The following GRIK3 variants were observed in gnomAD, a reference collection of about 807,000 sequenced individuals.
The protein encoded by GRIK3 is glutamate receptor ionotropic, kainate 3.
Under a neutral mutation model 102.5 loss-of-function variants are expected in GRIK3, and 29 were observed. The ratio of observed to expected loss-of-function variants is 0.28; its 90% CI spans 0.21 to 0.39. The LOEUF (loss-of-function observed/expected upper bound fraction) is 0.39. Ranked by LOEUF, GRIK3 falls within the 10% of genes least tolerant of loss-of-function variation. GRIK3 has a pLI of 1.00. For missense variants in GRIK3, 908 were observed against 1,252.4 expected (o/e 0.73, Z 4.15); for synonymous variants, 511 against 504.9 (o/e 1.01, Z -0.16).
At chr1:36,858,184 T>C (rs1416260917) in intron 7 of GRIK3, among the ~76,000 whole-genome samples, 1 of 152,230 alleles carries the variant, frequency 6.6e-6, no homozygotes, top group Non-Finnish European at 1.5e-5. Context: ...TTTCTTTGTC[T>C]ATCATCTGCT....
At chr1:37,025,693 T>C (rs932486982) in intron 1 of GRIK3, among the ~76,000 whole-genome samples, 2 of 152,198 alleles carry the variant, frequency 1.3e-5, no homozygotes, top group Non-Finnish European at 2.9e-5. Context: ...ATCCCTGCAG[T>C]TGTTCTGAGA....
At chr1:37,018,620 C>T (rs1478877712) in intron 1 of GRIK3, among the ~76,000 whole-genome samples, 1 of 152,020 alleles carries the variant, frequency 6.6e-6, no homozygotes, top group Non-Finnish European at 1.5e-5. Context: ...CTGAAGAGCC[C>T]CTGACCCTCC....
In GRIK3 at chr1:36,852,108, G is replaced by A. The variant is rs1640592467; in HGVS notation, c.1212+1507C>T. ...GATGAGAACTCATAGAGTTTGTGTA[G>A]GGTTGAGCAAACTGGCCCCTGTGAT... On this transcript the variant is annotated intron_variant, in intron 8 of 15. Coordinates refer to ENST00000373091, the MANE Select transcript of GRIK3 (RefSeq NM_000831.4). Among the ~76,000 whole-genome samples, 3 of 152,334 alleles carry A rather than the reference G, an allele frequency of 2.0e-5. No homozygotes were observed. In the East Asian group the frequency reaches 5.8e-4, roughly 29 times the overall value.
intron 5 of GRIK3, among the ~76,000 whole-genome samples, chr1:36,864,451 T>C (rs1333324884): frequency 6.6e-6 from 1 of 152,226 alleles, no homozygotes; most frequent in East Asian, 1.9e-4. Context: ...ACCTGATATC[T>C]AAGGCTTGAA....
intron 1 of GRIK3, among the ~76,000 whole-genome samples, chr1:37,024,670 G>C (rs1009438903): frequency 9.6e-5 from 14 of 145,586 alleles, no homozygotes; most frequent in Non-Finnish European, 1.9e-4. Context: ...TTGAACCCAG[G>C]AAGTGGAGGT....
Position 36,880,551 on chromosome 1 carries a change from C to T in GRIK3, c.550+83G>A. Reference sequence around the variant, plus strand: ...AGCCTCTTCCCCCAGGGCAGCTGTGCTGAACAAACAGACAAGAGCTTGATC... The same window carrying T: ...AGCCTCTTCCCCCAGGGCAGCTGTGTTGAACAAACAGACAAGAGCTTGATC... On this transcript the variant is annotated intron_variant, in intron 3 of 15. Transcript: ENST00000373091. This position sits in a 1 kb window ranked among gnomAD's most constrained non-coding sequence, Gnocchi z 5.4. 7.3e-7 allele frequency: 1 copy of T among 1,375,484 alleles called. No homozygotes were observed. Among genetic ancestry groups the T allele is most frequent in the Non-Finnish European group, 1.0e-6 (1 of 975,416 alleles). The allele number at this position is 1,375,484 out of a possible 1,614,324, so 85.2% of individuals were successfully genotyped here.
intron 1 of GRIK3, among the ~76,000 whole-genome samples, chr1:36,912,574 C>G (rs1398764477): frequency 6.6e-6 from 1 of 152,096 alleles, no homozygotes; most frequent in Non-Finnish European, 1.5e-5. Context: ...CCCTAGCCCT[C>G]CTCACAGGGC....
intron 5 of GRIK3, among the ~76,000 whole-genome samples, chr1:36,867,766 C>G (rs983992437): frequency 2.0e-5 from 3 of 152,180 alleles, no homozygotes; most frequent in Admixed American, 6.5e-5. Flanking sequence ...GTACTGCCCT[C>G]GCCACCCACT....
chr1:36,981,934 C>T (rs575589210), intron 1 of GRIK3, among the ~76,000 whole-genome samples: 5 of 152,310 alleles, frequency 3.3e-5, no homozygotes, highest in African/African-American at 1.2e-4. Flanking sequence ...ATGTGTGCGT[C>T]TCAGAGCACG....
intron 1 of GRIK3, among the ~76,000 whole-genome samples, chr1:36,935,728 T>C (rs1483940061): frequency 2.0e-5 from 3 of 152,208 alleles, no homozygotes; most frequent in Non-Finnish European, 4.4e-5. Flanking sequence ...TTATTTAGAC[T>C]AAAACAAACT....
rs556710296 is a variant in GRIK3 at position 36,798,860 on chromosome 1, G to A, written c.*2991C>T. 6 of 152,284 alleles carry A rather than the reference G, an allele frequency of 3.9e-5. No homozygotes were observed. The highest frequency in any genetic ancestry group is 1.4e-4 in the African/African-American group (6 of 41,556). 9.4% of individuals were successfully genotyped at this position (152,284 alleles called of 1,614,324 possible). On this transcript the variant is annotated 3_prime_UTR_variant, in exon 16 of 16. Transcript: ENST00000373091. ...GTCGGTACATTTTGGGGGGTTTCTC[G>A]AATTGAATTCTGCCTCTATTTATCC...
chr1:36,845,811 C>A (rs562212169), intron 9 of GRIK3, among the ~76,000 whole-genome samples: 16 of 152,196 alleles, frequency 1.1e-4, no homozygotes, highest in Non-Finnish European at 2.4e-4. Flanking sequence ...AGAATCGTTC[C>A]CAGCCTGGGA....
intron 10 of GRIK3, among the ~76,000 whole-genome samples, chr1:36,832,982 A>G (rs55740168): frequency 0.21 from 31,515 of 152,002 alleles, 4,134 homozygotes; most frequent in African/African-American, 0.38. Flanking sequence ...TATCACTATG[A>G]AATTTTTATT....
chr1:36,985,865 C>G (rs753215462), intron 1 of GRIK3, among the ~76,000 whole-genome samples: 1 of 152,110 alleles, frequency 6.6e-6, no homozygotes, highest in Non-Finnish European at 1.5e-5. Flanking sequence ...CTTCTCTGTC[C>G]GATCTCCCAC....
At chr1:36,992,299 G>A (rs1642371332) in intron 1 of GRIK3, among the ~76,000 whole-genome samples, 1 of 152,168 alleles carries the variant, frequency 6.6e-6, no homozygotes, top group Admixed American at 6.5e-5. Context: ...CTGTGGGCCT[G>A]CAGGCAGGGA....
Position 36,864,804 on chromosome 1 carries a change from A to G in GRIK3, c.787-4787T>C, listed in dbSNP as rs1640764963. The stretch of plus-strand genomic sequence containing the variant: ...TCCCCGTGATACGAGGACAATGACA[A>G]TGGGGAGCTGGTGAAGAGGCTCTTT... On this transcript the variant is annotated intron_variant, in intron 5 of 15. Transcript: ENST00000373091. Among the ~76,000 whole-genome samples the G allele has an allele frequency of 2.0e-5, 3 of 150,548 alleles. No individual in the cohort carries two copies. The South Asian group carries it at 6.3e-4, about 32-fold the overall frequency.
chr1:36,986,554 G>A (rs904936054), intron 1 of GRIK3, among the ~76,000 whole-genome samples: 2 of 152,078 alleles, frequency 1.3e-5, no homozygotes, highest in African/African-American at 4.8e-5. Flanking sequence ...CCAAGCCCCG[G>A]GTTCTAGGGT....
At chr1:36,887,058 G>A (rs545253915) in intron 2 of GRIK3, among the ~76,000 whole-genome samples, 4 of 152,102 alleles carry the variant, frequency 2.6e-5, no homozygotes, top group East Asian at 3.9e-4. Flanking sequence ...TAGAAACATC[G>A]TTATAGGCAC....
chr1:37,032,670 G>C (rs977682733), intron 1 of GRIK3, among the ~76,000 whole-genome samples: 1 of 152,182 alleles, frequency 6.6e-6, no homozygotes, highest in Non-Finnish European at 1.5e-5. Context: ...CTCTGCCTCC[G>C]GTGCTGGTGT....
Sources: allele counts gnomAD v4.1 joint callset (sites outside exome capture counted in the v4.1 genomes callset), GRCh38; gene constraint gnomAD v4.1.1; non-coding constraint Gnocchi (gnomAD v3.1); transcripts MANE v1.5; gene names NCBI Gene and HGNC (gene_info 2026-07-23, HGNC 2026-07-21).